The following COG6 variants were observed in gnomAD, a reference collection of about 807,000 sequenced individuals.
COG6 encodes the protein conserved oligomeric Golgi complex subunit 6.
COG6 carries 74 observed loss-of-function variants against 88.8 expected under a neutral mutation model. The ratio of observed to expected loss-of-function variants is 0.83; its 90% CI spans 0.69 to 1.01. The LOEUF (loss-of-function observed/expected upper bound fraction) is 1.01. COG6 is among the 50% of genes least tolerant of loss of function. The pLI is 0.00. For synonymous variants in COG6, 286 were observed against 278.7 expected (o/e 1.03, Z -0.26); for missense variants, 800 against 797.9 (o/e 1.00, Z -0.03).
chr13:39,763,437 A>G (rs1881083405), intron 18 of COG6, among the ~76,000 whole-genome samples: 1 of 151,758 alleles, frequency 6.6e-6, no homozygotes. Context: ...GGGGAAGGAG[A>G]GGAAGCTTTC....
intron 18 of COG6, among the ~76,000 whole-genome samples, chr13:39,778,153 C>G (rs1293649189): frequency 1.3e-5 from 2 of 152,200 alleles, no homozygotes; most frequent in African/African-American, 4.8e-5. Context: ...ATAGTTAATA[C>G]TTGAGGTTGA....
intron 13 of COG6, among the ~76,000 whole-genome samples, chr13:39,706,011 A>G (rs943199056): frequency 3.9e-5 from 6 of 152,070 alleles, no homozygotes; most frequent in Admixed American, 1.3e-4. Context: ...TAAAAAAATA[A>G]AAGTGTGTAA....
At chr13:39,769,696 TG>T (rs796986285) in intron 18 of COG6, among the ~76,000 whole-genome samples, 7 of 152,296 alleles carry the variant, frequency 4.6e-5, no homozygotes, top group African/African-American at 1.7e-4. Flanking sequence ...ATTCATATGT[TG>T]AAACCTAACC....
chr13:39,656,085 GGGTTTCC>G (rs1874470682), intron 1 of COG6: 1 of 709,512 alleles, frequency 1.4e-6, no homozygotes, highest in Admixed American at 2.0e-5. Context: ...AAAAGCGAAG[GGGTTTCC>G]TGGGTGTTCT....
At chr13:39,744,454 C>A (rs1342752242) in intron 18 of COG6, among the ~76,000 whole-genome samples, 1 of 152,122 alleles carries the variant, frequency 6.6e-6, no homozygotes, top group Non-Finnish European at 1.5e-5. Flanking sequence ...TTCCTATACA[C>A]CAATAACAGA....
rs576383647 is a variant in COG6 at position 39,727,158 on chromosome 13, C to T, written c.1747-311C>T. Among the ~76,000 whole-genome samples the T allele has an allele frequency of 2.6e-5, 4 of 151,974 alleles. No homozygotes were observed. The South Asian group carries it at 6.2e-4, about 24-fold the overall frequency. On this transcript the variant is annotated intron_variant, in intron 17 of 18. Coordinates refer to ENST00000455146, the MANE Select transcript of COG6 (RefSeq NM_020751.3). The stretch of plus-strand genomic sequence containing the variant: ...ATAGTAAAATCAAGAAACAGGTAGA[C>T]CTGAAACCTGATGACTTTACTTCTT...
intron 8 of COG6, 101 bp from the exon 9 acceptor site, chr13:39,687,402 G>A (rs961332356): frequency 3.8e-6 from 4 of 1,061,380 alleles, no homozygotes; most frequent in Non-Finnish European, 5.9e-6. Context: ...GGAGCTTTAA[G>A]TGCTTTTTAA....
At chr13:39,671,840 A>G (rs1264293515) in intron 4 of COG6, among the ~76,000 whole-genome samples, 1 of 151,968 alleles carries the variant, frequency 6.6e-6, no homozygotes, top group Non-Finnish European at 1.5e-5. Context: ...CTCAGTCACC[A>G]GAAAAAAAAA....
rs78794532 is a variant in COG6, at chr13:39,737,127, G to C, written c.1826+9579G>C. ...CCAGGAGAACTTCCTGGATTACCAG[G>C]TGTAGACTCTTGTTCTCTTCCCTTA... On this transcript the variant is annotated intron_variant, in intron 18 of 18. Transcript: ENST00000455146. Among the ~76,000 whole-genome samples, 203 of 152,260 alleles carry C rather than the reference G, an allele frequency of 1.3e-3. 6 individuals carry two copies. In the East Asian group the frequency reaches 0.038, roughly 29 times the overall value.
At chr13:39,704,526 T>C (rs1877775333) in intron 13 of COG6, among the ~76,000 whole-genome samples, 1 of 152,162 alleles carries the variant, frequency 6.6e-6, no homozygotes, top group South Asian at 2.1e-4. Flanking sequence ...CCTCATTGTC[T>C]TCACATTGAG....
At chr13:39,763,946 T>A (rs1328174554) in intron 18 of COG6, among the ~76,000 whole-genome samples, 3 of 151,876 alleles carry the variant, frequency 2.0e-5, no homozygotes, top group Non-Finnish European at 3.0e-5. Context: ...TGGTACATAT[T>A]CTCTCTGTTA....
intron 5 of COG6, chr13:39,678,234 AT>A (rs1876094520): frequency 3.1e-6 from 1 of 322,432 alleles, no homozygotes; most frequent in African/African-American, 2.3e-5. Flanking sequence ...CTCCTGGCTG[AT>A]TTTTTAATTT....
chr13:39,788,726 T>G (rs1881850633), exon 19 of COG6: 1 of 187,544 alleles, frequency 5.3e-6, no homozygotes, highest in Admixed American at 6.0e-5. Flanking sequence ...TGTGTTACTT[T>G]CTAAATAACT....
chr13:39,728,132 T>C (rs891534467), intron 18 of COG6, among the ~76,000 whole-genome samples: 1 of 152,270 alleles, frequency 6.6e-6, no homozygotes, highest in South Asian at 2.1e-4. Flanking sequence ...TACACATTTT[T>C]TTTTCTTTCT....
At chr13:39,724,468 T>A (rs1422300733) in intron 16 of COG6, 40 bp from the exon 17 acceptor site, 1 of 1,454,208 alleles carries the variant, frequency 6.9e-7, no homozygotes, top group Non-Finnish European at 9.5e-7. Flanking sequence ...TCTCCTTTTT[T>A]ACATCTTGGA....
At chr13:39,790,859 T>C (rs962683129) in exon 19 of COG6, 41 of 152,260 alleles carry the variant, frequency 2.7e-4, no homozygotes, top group African/African-American at 9.1e-4. Context: ...ATATATATAA[T>C]GACTATGAAT....
intron 18 of COG6, among the ~76,000 whole-genome samples, chr13:39,771,084 C>A (rs1380195331): frequency 6.6e-6 from 1 of 152,170 alleles, no homozygotes; most frequent in Admixed American, 6.5e-5. Flanking sequence ...TCCATGCAGA[C>A]ACGTGTGGCA....
intron 11 of COG6, among the ~76,000 whole-genome samples, chr13:39,691,638 T>G (rs1195121543): frequency 6.6e-6 from 1 of 151,978 alleles, no homozygotes; most frequent in Non-Finnish European, 1.5e-5. Context: ...ATACCTTCCC[T>G]TCCTTATATA....
At chr13:39,778,465 T>A (rs9532432) in intron 18 of COG6, among the ~76,000 whole-genome samples, 64,185 of 152,040 alleles carry the variant, frequency 0.42, 13,936 homozygotes, top group Admixed American at 0.57. Context: ...AAACATTTAC[T>A]GAACATGTAT....
Sources: gnomAD v4.1 joint callset for allele counts (sites outside exome capture counted in the v4.1 genomes callset) on GRCh38, gnomAD v4.1.1 for gene constraint, MANE v1.5 for transcripts, NCBI Gene and HGNC (gene_info 2026-07-23, HGNC 2026-07-21) for gene names.